Variants in FSTL5 observed in about 807,000 individuals in gnomAD.
The protein encoded by FSTL5 is follistatin-related protein 5.
In FSTL5, 62 loss-of-function variants were observed where a neutral mutation model predicts 89.1. That is an observed-to-expected ratio of 0.70 (90% CI 0.57 to 0.86). The LOEUF (loss-of-function observed/expected upper bound fraction) is 0.86, where lower values mean the gene tolerates loss of function less well. FSTL5 is among the 40% of genes least tolerant of loss of function. The pLI, the probability that FSTL5 is intolerant of heterozygous loss-of-function variation, is 0.00. For missense variants in FSTL5, 1,057 were observed against 1,001.6 expected (o/e 1.06, Z -0.75); for synonymous variants, 383 against 346.2 (o/e 1.11, Z -1.18).
intron 7 of FSTL5, among the ~76,000 whole-genome samples, chr4:161,651,511 A>T (rs559958668): frequency 1.3e-5 from 2 of 152,110 alleles, no homozygotes; most frequent in East Asian, 3.9e-4. Flanking sequence ...TGAAACAAAT[A>T]TAAGAAGGAA....
chr4:161,385,853 G>A lies in FSTL5; in HGVS notation c.2438C>T (p.Pro813Leu), dbSNP rs1730606386. 6.2e-7 allele frequency: 1 copy of A among 1,613,540 alleles called. No individual in the cohort carries two copies. Among genetic ancestry groups the A allele is most frequent in the African/African-American group, 1.3e-5 (1 of 74,850 alleles). ...TAGGATGAAGAGAGAGTCCTTGGAA[G>A]GTGTCATCAGGTATTGACCAAACAA... ...SGLFGQYLMT[P>L]SKDSLFILDG... Residue 813 changes from proline (P) to leucine (L), a missense_variant, in exon 16 of 16, where the codon CCT becomes CTT. Around this residue, in one of 3 missense-constraint regions of FSTL5, gnomAD observed 68 missense variants for 73.3 expected, o/e 0.93. Transcript: ENST00000306100.
At chr4:161,974,394 C>A (rs1019785906) in intron 3 of FSTL5, among the ~76,000 whole-genome samples, 1 of 147,478 alleles carries the variant, frequency 6.8e-6, no homozygotes, top group African/African-American at 2.5e-5. Flanking sequence ...GTACTGGTAC[C>A]AAAACAGAGA....
At chr4:161,543,851 G>T (rs976546086) in intron 8 of FSTL5, among the ~76,000 whole-genome samples, 3 of 152,052 alleles carry the variant, frequency 2.0e-5, no homozygotes, top group South Asian at 2.1e-4. Flanking sequence ...ATGGACAATT[G>T]TTTCTTCTAG....
At chr4:161,715,386 C>T (rs1450530298) in intron 6 of FSTL5, among the ~76,000 whole-genome samples, 2 of 152,072 alleles carry the variant, frequency 1.3e-5, no homozygotes, top group Admixed American at 6.6e-5. Context: ...TCTTTAATAA[C>T]ATACTCTTTT....
intron 7 of FSTL5, among the ~76,000 whole-genome samples, chr4:161,609,800 G>T (rs962461120): frequency 2.8e-4 from 42 of 152,044 alleles, no homozygotes; most frequent in African/African-American, 9.9e-4. Flanking sequence ...TCAGGTGAAT[G>T]CTGCCTACAG....
intron 4 of FSTL5, among the ~76,000 whole-genome samples, chr4:161,805,261 AAAC>A (rs778483174): frequency 5.9e-5 from 9 of 152,152 alleles, no homozygotes; most frequent in Non-Finnish European, 1.3e-4. Flanking sequence ...ACTTTCCAAG[AAAC>A]AACAACTAAG....
At chr4:161,762,620 AATAAGTGGT>A (rs1328603997) in intron 5 of FSTL5, among the ~76,000 whole-genome samples, 4 of 152,196 alleles carry the variant, frequency 2.6e-5, no homozygotes, top group African/African-American at 4.8e-5. Flanking sequence ...TATAAAAGGT[AATAAGTGGT>A]ATAAGTGGTA....
intron 4 of FSTL5, among the ~76,000 whole-genome samples, chr4:161,778,736 T>G (rs183393461): frequency 1.6e-4 from 24 of 152,322 alleles, no homozygotes; most frequent in Admixed American, 3.3e-4. Context: ...AGCAAGAAAC[T>G]CATTGACAAA....
intron 7 of FSTL5, among the ~76,000 whole-genome samples, chr4:161,641,839 T>C (rs756796218): frequency 2.0e-5 from 3 of 151,896 alleles, no homozygotes; most frequent in Non-Finnish European, 4.4e-5. Flanking sequence ...TCCTATGGTA[T>C]CCACAAGGAA....
chr4:161,587,221 T>G (rs771143779), intron 8 of FSTL5, among the ~76,000 whole-genome samples: 1 of 151,894 alleles, frequency 6.6e-6, no homozygotes, highest in Non-Finnish European at 1.5e-5. Context: ...AATTTTCCAA[T>G]TAAAATGAGT....
intron 15 of FSTL5, among the ~76,000 whole-genome samples, chr4:161,420,001 G>A (rs1487447001): frequency 2.0e-5 from 3 of 152,194 alleles, no homozygotes. Flanking sequence ...TGCTGGCTGG[G>A]GTAATTGAGT....
At chr4:161,630,446 T>C (rs920314951) in intron 7 of FSTL5, among the ~76,000 whole-genome samples, 2 of 152,208 alleles carry the variant, frequency 1.3e-5, no homozygotes, top group African/African-American at 4.8e-5. Context: ...TATGAGCCTT[T>C]CTTGTTTGTG....
In FSTL5 at chr4:161,920,682, T is replaced by C. The variant is rs778714729; in HGVS notation, c.161-30A>G. On this transcript the variant is annotated intron_variant, in intron 3 of 15. Transcript: ENST00000306100. Reference sequence around the variant, plus strand: ...AGAATTAAAAAAAAATTGAAAATCGTTTGGTTCATTTGTCCAAATAATATA... The same window carrying C: ...AGAATTAAAAAAAAATTGAAAATCGCTTGGTTCATTTGTCCAAATAATATA... The C allele has an allele frequency of 1.9e-6, 3 of 1,577,638 alleles. No homozygotes were observed. The Admixed American group carries it at 5.5e-5, about 29-fold the overall frequency.
intron 4 of FSTL5, among the ~76,000 whole-genome samples, chr4:161,810,672 G>A (rs1183464510): frequency 6.6e-6 from 1 of 152,100 alleles, no homozygotes; most frequent in East Asian, 1.9e-4. Context: ...AAGTCTCAGT[G>A]AGAAAGACAA....
intron 15 of FSTL5, among the ~76,000 whole-genome samples, chr4:161,433,716 G>A (rs920347286): frequency 1.3e-5 from 2 of 151,982 alleles, no homozygotes; most frequent in Non-Finnish European, 2.9e-5. Context: ...AAAGTTGCAG[G>A]ATAAAAAAGT....
At chr4:161,822,911 T>A (rs1485005878) in intron 4 of FSTL5, among the ~76,000 whole-genome samples, 1 of 152,010 alleles carries the variant, frequency 6.6e-6, no homozygotes, top group African/African-American at 2.4e-5. Flanking sequence ...TCCTAATGAG[T>A]GTCCAGCTCT....
At chr4:161,929,462 C>T (rs1734219835) in intron 3 of FSTL5, among the ~76,000 whole-genome samples, 1 of 151,550 alleles carries the variant, frequency 6.6e-6, no homozygotes, top group African/African-American at 2.4e-5. Context: ...TTTGCTTTGC[C>T]ATATAAACTT....
intron 13 of FSTL5, among the ~76,000 whole-genome samples, chr4:161,461,034 T>C (rs961350731): frequency 9.9e-5 from 15 of 151,144 alleles, no homozygotes; most frequent in African/African-American, 3.7e-4. Flanking sequence ...AATACTCCAT[T>C]CCATCAACAG....
At chr4:162,037,505 G>A (rs977264036) in intron 2 of FSTL5, among the ~76,000 whole-genome samples, 10 of 151,854 alleles carry the variant, frequency 6.6e-5, no homozygotes, top group South Asian at 2.1e-4. Context: ...GAGTTTTGTC[G>A]TCATAAATTT....
Sources: gnomAD v4.1 joint callset for allele counts (sites outside exome capture counted in the v4.1 genomes callset) on GRCh38, gnomAD v4.1.1 for gene constraint, gnomAD v4.1.1 regional missense constraint, MANE v1.5 for transcripts, NCBI Gene and HGNC (gene_info 2026-07-23, HGNC 2026-07-21) for gene names.